PCDH11X: variants seen among roughly 807,000 people sequenced by gnomAD.
PCDH11X encodes protocadherin 11 X-linked, also known as protocadherin-11 X-linked.
PCDH11X carries 18 observed loss-of-function variants against 53.3 expected under a neutral mutation model. The ratio of observed to expected loss-of-function variants is 0.34; its 90% confidence interval spans 0.23 to 0.50. The LOEUF (loss-of-function observed/expected upper bound fraction) is 0.50. PCDH11X is among the 20% of genes least tolerant of loss of function. The pLI is 0.98. For synonymous variants in PCDH11X, 279 were observed against 393.3 expected (o/e 0.71, Z 3.44); for missense variants, 570 against 1,032.4 (o/e 0.55, Z 6.14).
intron 5 of PCDH11X, among the ~76,000 whole-genome samples, chrX:91,875,195 T>A (rs1485912108): frequency 1.8e-5 from 2 of 110,179 alleles, no homozygotes; most frequent in Non-Finnish European, 3.8e-5. Flanking sequence ...ACAGGAATCT[T>A]CCTCTCTCAT....
intron 6 of PCDH11X, among the ~76,000 whole-genome samples, chrX:91,999,213 C>G (rs2062469154): frequency 9.0e-6 from 1 of 111,588 alleles, no homozygotes; most frequent in African/African-American, 3.3e-5. Context: ...CCATCCCCAG[C>G]CTTAATAGTA....
At chrX:92,066,733 C>T (rs1165980505) in intron 6 of PCDH11X, among the ~76,000 whole-genome samples, 10 of 112,164 alleles carry the variant, frequency 8.9e-5, no homozygotes, top group African/African-American at 2.3e-4. Context: ...AATTGTTATT[C>T]GGTGGCGTCT....
chrX:92,028,972 T>C (rs988524306), intron 6 of PCDH11X, among the ~76,000 whole-genome samples: 1 of 109,620 alleles, frequency 9.1e-6, no homozygotes, highest in Admixed American at 9.8e-5. Flanking sequence ...ATGAGCAATG[T>C]ACACACACTC....
At position 92,621,063 on chromosome X, in the gene PCDH11X, GA is replaced by G. The variant is rs1928444862; in HGVS notation, c.*2124del. 1 of 102,592 alleles carries G rather than the reference GA, an allele frequency of 9.7e-6. No homozygotes were observed. Among genetic ancestry groups the G allele is most frequent in the African/African-American group, 3.8e-5 (1 of 26,394 alleles). 8.5% of individuals were successfully genotyped at this position (102,592 alleles called of 1,213,427 possible). A position where few individuals can be genotyped will look rare whatever the true frequency, so the allele number is the denominator to read the frequency against. On this transcript the variant is annotated 3_prime_UTR_variant, in exon 11 of 11. Coordinates refer to ENST00000682573, the MANE Select transcript of PCDH11X (RefSeq NM_032968.5). ...CAAAAAACCTGCAAAGATGATGTGA[GA>G]TTTTTTCTTGTGTTTTAATTATTTT...
chrX:91,781,368 G>T (rs979729739), intron 1 of PCDH11X, among the ~76,000 whole-genome samples: 10 of 111,374 alleles, frequency 9.0e-5, no homozygotes, highest in African/African-American at 2.9e-4. Flanking sequence ...TCGCCTGTGC[G>T]CTCTTAGCGC....
At chrX:91,791,493 C>G (rs1743009611) in intron 1 of PCDH11X, among the ~76,000 whole-genome samples, 1 of 107,647 alleles carries the variant, frequency 9.3e-6, no homozygotes, top group Admixed American at 1.0e-4. Context: ...ATCACAAGAA[C>G]AGCAAGGGGA....
At chrX:92,075,826 G>A (rs988817165) in intron 6 of PCDH11X, among the ~76,000 whole-genome samples, 2 of 110,881 alleles carry the variant, frequency 1.8e-5, no homozygotes, top group African/African-American at 6.6e-5. Flanking sequence ...TTTTACACAT[G>A]GGGAAATTGA....
At chrX:92,294,183 T>C (rs1420026289) in intron 8 of PCDH11X, among the ~76,000 whole-genome samples, 1 of 110,782 alleles carries the variant, frequency 9.0e-6, no homozygotes, top group Non-Finnish European at 1.9e-5. Context: ...CTCTTGTTGC[T>C]CAGTTTGGAG....
At chrX:92,331,852 G>A (rs1234181397) in intron 8 of PCDH11X, among the ~76,000 whole-genome samples, 1 of 111,354 alleles carries the variant, frequency 9.0e-6, no homozygotes, top group Non-Finnish European at 1.9e-5. Context: ...TCTCTCAAGT[G>A]TGATGAACTC....
chrX:92,546,379 T>C (rs2074855067), intron 10 of PCDH11X, among the ~76,000 whole-genome samples: 1 of 111,775 alleles, frequency 8.9e-6, no homozygotes, highest in Non-Finnish European at 1.9e-5. Context: ...AAAGTACAAA[T>C]AATGTTATCT....
chrX:91,895,458 TTC>T (rs1427773614), intron 6 of PCDH11X, among the ~76,000 whole-genome samples: 2 of 110,598 alleles, frequency 1.8e-5, no homozygotes, highest in African/African-American at 6.6e-5. Context: ...AAACTATGGA[TTC>T]TCTCGGACAT....
At chrX:91,898,011 A>G (rs1569432477) in intron 6 of PCDH11X, among the ~76,000 whole-genome samples, 1 of 111,547 alleles carries the variant, frequency 9.0e-6, no homozygotes, top group Non-Finnish European at 1.9e-5. Context: ...TGCAGGTTTT[A>G]GCTGCATGGT....
At chrX:92,596,281 C>T (rs1306656020) in intron 10 of PCDH11X, among the ~76,000 whole-genome samples, 2 of 111,687 alleles carry the variant, frequency 1.8e-5, no homozygotes, top group Non-Finnish European at 3.8e-5. Flanking sequence ...CCCAATTGTA[C>T]CACCTGTCAG....
chrX:91,969,854 G>A (rs1459631123), intron 6 of PCDH11X, among the ~76,000 whole-genome samples: 1 of 109,724 alleles, frequency 9.1e-6, no homozygotes, highest in African/African-American at 3.3e-5. Context: ...ATCGTGTTTG[G>A]CAGCATGGCT....
chrX:92,071,220 A>T (rs888720320), intron 6 of PCDH11X, among the ~76,000 whole-genome samples: 11 of 110,453 alleles, frequency 1.0e-4, no homozygotes, highest in African/African-American at 3.6e-4. Flanking sequence ...TTTTTAAATA[A>T]CCTGTCTTCA....
chrX:92,234,344 C>A (rs951760113), intron 7 of PCDH11X, among the ~76,000 whole-genome samples: 28 of 111,638 alleles, frequency 2.5e-4, no homozygotes, highest in African/African-American at 9.1e-4. Flanking sequence ...GCCAGGGTGG[C>A]AAATGAAGCA....
chrX:92,509,046 T>C (rs2750878), intron 10 of PCDH11X, among the ~76,000 whole-genome samples: 7 of 86,290 alleles, frequency 8.1e-5, no homozygotes, highest in African/African-American at 2.0e-4. Context: ...GCAATTTCCC[T>C]GGGAAACAAG....
At chrX:91,916,322 G>A (rs963060034) in intron 6 of PCDH11X, among the ~76,000 whole-genome samples, 2 of 109,779 alleles carry the variant, frequency 1.8e-5, no homozygotes, top group Non-Finnish European at 3.8e-5. Context: ...AAGAAATAAC[G>A]AAGACCAGAG....
At chrX:91,905,607 T>C (rs1941124003) in intron 6 of PCDH11X, among the ~76,000 whole-genome samples, 1 of 111,637 alleles carries the variant, frequency 9.0e-6, no homozygotes, top group Non-Finnish European at 1.9e-5. Context: ...TTTAGATTTA[T>C]ATATTTTTAG....
Sources: gnomAD v4.1 joint callset for allele counts (sites outside exome capture counted in the v4.1 genomes callset) on GRCh38, gnomAD v4.1.1 for gene constraint, MANE v1.5 for transcripts, NCBI Gene and HGNC (gene_info 2026-07-23, HGNC 2026-07-21) for gene names.